The following DOCK7 variants were observed in gnomAD, a reference collection of about 807,000 sequenced individuals.
The protein encoded by DOCK7 is dedicator of cytokinesis protein 7.
DOCK7 carries 138 observed loss-of-function variants against 271.0 expected under a neutral mutation model. That is an observed-to-expected ratio of 0.51 (90% CI 0.44 to 0.59). DOCK7 has a LOEUF of 0.59. Ranked by LOEUF, DOCK7 falls within the 20% of genes least tolerant of loss-of-function variation. The pLI is 0.00. For missense variants in DOCK7, 2,066 were observed against 2,592.4 expected (o/e 0.80, Z 4.41); for synonymous variants, 823 against 876.1 (o/e 0.94, Z 1.07).
intron 1 of DOCK7, among the ~76,000 whole-genome samples, chr1:62,666,469 A>C (rs1188624782): frequency 6.6e-6 from 1 of 152,256 alleles, no homozygotes; most frequent in Non-Finnish European, 1.5e-5. Context: ...TAATGCAACA[A>C]GAACCATTTC....
chr1:62,513,636 T>C, intron 32 of DOCK7, 30 bp from the exon 33 acceptor site: 1 of 1,604,198 alleles, frequency 6.2e-7, no homozygotes, highest in Non-Finnish European at 8.5e-7. Flanking sequence ...AGAGAAGAGG[T>C]ATTGAGGAAA....
chr1:62,671,042 T>TA (rs1659941023), intron 1 of DOCK7, among the ~76,000 whole-genome samples: 1 of 150,452 alleles, frequency 6.6e-6, no homozygotes, highest in Admixed American at 6.6e-5. Flanking sequence ...CGCGCTGCCT[T>TA]AAGAGCTGTA....
chr1:62,678,410 T>G (rs11581719), intron 1 of DOCK7, among the ~76,000 whole-genome samples: 292 of 152,282 alleles, frequency 1.9e-3, no homozygotes, highest in Non-Finnish European at 3.6e-3. Context: ...GATACAAAAT[T>G]GTTATATACC....
chr1:62,666,372 G>A (rs1659320315), intron 1 of DOCK7, among the ~76,000 whole-genome samples: 1 of 151,940 alleles, frequency 6.6e-6, no homozygotes, highest in South Asian at 2.1e-4. Flanking sequence ...ACATAAAAAC[G>A]ATAATCCTCA....
chr1:62,661,489 A>G (rs924871031), intron 2 of DOCK7, among the ~76,000 whole-genome samples: 5 of 152,074 alleles, frequency 3.3e-5, no homozygotes, highest in Admixed American at 2.6e-4. Flanking sequence ...ATGTAAGTAT[A>G]TATTATACAT....
At chr1:62,645,038 A>C (rs1195184651) in intron 7 of DOCK7, among the ~76,000 whole-genome samples, 1 of 152,192 alleles carries the variant, frequency 6.6e-6, no homozygotes, top group Non-Finnish European at 1.5e-5. Flanking sequence ...TGATAAAAAA[A>C]ACAGATAATA....
intron 43 of DOCK7, chr1:62,481,529 T>C (rs562900365): frequency 6.6e-6 from 1 of 152,196 alleles, no homozygotes; most frequent in South Asian, 2.1e-4. Context: ...TGATACCTGT[T>C]TTTCTTTTGA....
chr1:62,507,902 T>G (rs1646988586), intron 35 of DOCK7, 60 bp downstream of exon 35: 1 of 1,499,920 alleles, frequency 6.7e-7, no homozygotes, highest in Non-Finnish European at 9.2e-7. Context: ...GTAAACACTT[T>G]TCCCTCCAAC....
chr1:62,513,807 A>C lies in DOCK7; in HGVS notation c.4028T>G (p.Val1343Gly). ...LWVLKNADETVLQKWFTDLSV... is the reference protein window; with the variant it reads ...LWVLKNADETGLQKWFTDLSV... Reference sequence around the variant, plus strand: ...GAGATCTGTAAACCACTTCTGTAGAACTGTTTCATCTGCATTTTTGAGAAC... The same window carrying C: ...GAGATCTGTAAACCACTTCTGTAGACCTGTTTCATCTGCATTTTTGAGAAC... The change falls in exon 32 of 50, where the codon GTT becomes GGT. Residue 1343 changes from valine to glycine, a missense_variant. Around this residue, in one of 2 missense-constraint regions of DOCK7, gnomAD observed 1,414 missense variants for 1,670.4 expected, o/e 0.85. Transcript: ENST00000635253. 6.2e-7 allele frequency: 1 copy of C among 1,614,132 alleles called. No individual in the cohort carries two copies.
In DOCK7 at chr1:62,475,341, G is replaced by A. The variant is rs1254645779; in HGVS notation, c.5972C>T (p.Thr1991Ile). Residue 1991 changes from threonine to isoleucine, a missense_variant, in exon 47 of 50, where the codon ACA becomes ATA. Physicochemically the swap from Thr to Ile is moderately conservative, Grantham distance 89. Coordinates refer to ENST00000635253, the MANE Select transcript of DOCK7 (RefSeq NM_001367561.1). Reference sequence around the variant, plus strand: ...GTCCTCAATAGCAACTTCAATTGGTGTTAAGATGATCTGAGTAAAAGAGCA... The same window carrying A: ...GTCCTCAATAGCAACTTCAATTGGTATTAAGATGATCTGAGTAAAAGAGCA... The part of the protein sequence containing the change: ...NVTHKEEIIL[T>I]PIEVAIEDMQ... 1.9e-6 allele frequency: 3 copies of A among 1,613,688 alleles called. No individual in the cohort carries two copies. Among genetic ancestry groups the A allele is most frequent in the East Asian group, 4.5e-5 (2 of 44,874 alleles).
chr1:62,676,522 T>TA (rs1003318428), intron 1 of DOCK7, among the ~76,000 whole-genome samples: 2 of 152,176 alleles, frequency 1.3e-5, no homozygotes, highest in African/African-American at 4.8e-5. Flanking sequence ...TTATGATACA[T>TA]AAAGTATACC....
At chr1:62,587,805 G>A (rs531047133) in intron 14 of DOCK7, among the ~76,000 whole-genome samples, 1 of 152,222 alleles carries the variant, frequency 6.6e-6, no homozygotes, top group East Asian at 1.9e-4. Context: ...GGAAAACTCT[G>A]TGTGGGGGTG....
At chr1:62,619,749 T>C (rs1366662017) in intron 13 of DOCK7, 151 bp downstream of exon 13, 7 of 459,140 alleles carry the variant, frequency 1.5e-5, no homozygotes, top group Non-Finnish European at 1.9e-5. Context: ...GATCACATGA[T>C]AGTTAATAAA....
At chr1:62,528,384 A>T in intron 30 of DOCK7, 79 bp from the exon 31 acceptor site, 4 of 1,309,168 alleles carry the variant, frequency 3.1e-6, no homozygotes, top group Middle Eastern at 1.9e-4. Context: ...ACTATTCTTT[A>T]AAAGAATAAC....
At chr1:62,620,954 A>T (rs1291342009) in intron 12 of DOCK7, among the ~76,000 whole-genome samples, 1 of 151,798 alleles carries the variant, frequency 6.6e-6, no homozygotes, top group Non-Finnish European at 1.5e-5. Flanking sequence ...AGAAGAGAAA[A>T]ATAAGAACAC....
At position 62,529,382 on chromosome 1, in the gene DOCK7, C is replaced by T. The variant is rs1645108056; in HGVS notation, c.3676G>A (p.Asp1226Asn). The T allele has an allele frequency of 2.5e-6, 4 of 1,613,678 alleles. No homozygotes were observed. The African/African-American group carries it at 4.0e-5, about 16-fold the overall frequency. ...VHNLLSSHDS[D>N]PRYSDPQIKA... ...ATCTGAGGGTCAGAGTACCGCGGGT[C>T]TGAGTCGTGACTGGAGAGTAAATTG... is the stretch of plus-strand genomic sequence containing the variant. Residue 1226 changes from aspartate (D) to asparagine (N), a missense_variant, in exon 30 of 50, where the codon GAC (aspartate) becomes AAC (asparagine). By Grantham distance (23) the Asp-to-Asn change is conservative. Around this residue, in one of 2 missense-constraint regions of DOCK7, gnomAD observed 1,414 missense variants for 1,670.4 expected, o/e 0.85. Transcript: ENST00000635253.
At chr1:62,589,880 TAAAAAAAA>T (rs543247913) in intron 14 of DOCK7, among the ~76,000 whole-genome samples, 1 of 99,612 alleles carries the variant, frequency 1.0e-5, no homozygotes, top group African/African-American at 3.7e-5. Flanking sequence ...AGACTCCATC[TAAAAAAAA>T]AAAAAAAAAA....
At chr1:62,489,530 A>G (rs1646397874) in intron 41 of DOCK7, among the ~76,000 whole-genome samples, 1 of 152,236 alleles carries the variant, frequency 6.6e-6, no homozygotes, top group Non-Finnish European at 1.5e-5. Flanking sequence ...TTTTAACTGT[A>G]TTAAGGTTTA....
At chr1:62,467,132 T>A (rs754807094) in intron 48 of DOCK7, among the ~76,000 whole-genome samples, 1 of 152,156 alleles carries the variant, frequency 6.6e-6, no homozygotes, top group Admixed American at 6.5e-5. Context: ...GATTATACCA[T>A]TGAAAATGTC....
Sources: gnomAD v4.1 joint callset for allele counts (sites outside exome capture counted in the v4.1 genomes callset) on GRCh38, gnomAD v4.1.1 for gene constraint, gnomAD v4.1.1 regional missense constraint, MANE v1.5 for transcripts, NCBI Gene and HGNC (gene_info 2026-07-23, HGNC 2026-07-21) for gene names.